The following SMAD3 variants were observed in gnomAD, a reference collection of about 807,000 sequenced individuals.
SMAD3 encodes SMAD family member 3.
A neutral mutation model predicts 51.8 loss-of-function variants in SMAD3; 12 were observed. That is an observed-to-expected ratio of 0.23 (90% CI 0.15 to 0.38). The LOEUF is 0.38. Ranked by LOEUF, SMAD3 falls within the 10% of genes least tolerant of loss-of-function variation. The pLI is 1.00. For synonymous variants in SMAD3, 238 were observed against 227.7 expected (o/e 1.05, Z -0.41); for missense variants, 294 against 565.6 (o/e 0.52, Z 4.87).
rs748749707 is a variant in SMAD3 at position 67,192,318 on chromosome 15, C to T, written c.*1782C>T. On this transcript the variant is annotated 3_prime_UTR_variant, in exon 9 of 9. Transcript: ENST00000327367. ...AGCCTCCTGAGGACACAGGAAGAGA[C>T]GGAAGGAGCACCTTGACAGACTTGT... 7.3e-5 allele frequency: 17 copies of T among 232,822 alleles called. No homozygotes were observed. Among genetic ancestry groups the T allele is most frequent in the Non-Finnish European group, 1.1e-4 (13 of 117,720 alleles). 14.4% of individuals were successfully genotyped at this position (232,822 alleles called of 1,614,324 possible). A position where few individuals can be genotyped will look rare whatever the true frequency, so the allele number is the denominator to read the frequency against.
intron 1 of SMAD3, among the ~76,000 whole-genome samples, chr15:67,125,314 G>A (rs1961358475): frequency 1.3e-5 from 2 of 152,346 alleles, no homozygotes; most frequent in South Asian, 2.1e-4. Flanking sequence ...GTGTGTGTAC[G>A]GAGAGCCTCT....
chr15:67,185,265 A>AAAGACACGGATGAGT (rs976698596), intron 7 of SMAD3, among the ~76,000 whole-genome samples: 1 of 152,218 alleles, frequency 6.6e-6, no homozygotes, highest in Non-Finnish European at 1.5e-5. Flanking sequence ...CACAGAAGAC[A>AAAGACACGGATGAGT]AAGACACGGA....
chr15:67,093,425 T>C (rs1286445875), intron 1 of SMAD3, among the ~76,000 whole-genome samples: 1 of 152,152 alleles, frequency 6.6e-6, no homozygotes, highest in Non-Finnish European at 1.5e-5. Context: ...ATAATCAGGA[T>C]TTGCCAGTGG....
intron 1 of SMAD3, among the ~76,000 whole-genome samples, chr15:67,148,386 A>G (rs1049021592): frequency 2.0e-5 from 3 of 152,208 alleles, no homozygotes; most frequent in Non-Finnish European, 4.4e-5. Flanking sequence ...TTTCTCCTCT[A>G]TTAAATCCAA....
chr15:67,077,180 A>G (rs1960188019), intron 1 of SMAD3, among the ~76,000 whole-genome samples: 1 of 151,376 alleles, frequency 6.6e-6, no homozygotes, highest in Non-Finnish European at 1.5e-5. Flanking sequence ...TATGGTGTGT[A>G]GGCCTTCCTC....
intron 1 of SMAD3, among the ~76,000 whole-genome samples, chr15:67,119,696 T>TG (rs1302240991): frequency 1.3e-5 from 2 of 152,248 alleles, no homozygotes; most frequent in Non-Finnish European, 2.9e-5. Context: ...AAGGTAGAAT[T>TG]GCCCAAGAGA....
At chr15:67,069,402 G>C (rs1210850392) in intron 1 of SMAD3, among the ~76,000 whole-genome samples, 3 of 152,096 alleles carry the variant, frequency 2.0e-5, no homozygotes, top group African/African-American at 7.2e-5. Flanking sequence ...TATCTTCCTT[G>C]CCAGTTTATA....
At chr15:67,181,478 C>T (rs775394029) in intron 6 of SMAD3, 25 bp downstream of exon 6, 6 of 1,498,082 alleles carry the variant, frequency 4.0e-6, no homozygotes, top group Non-Finnish European at 4.5e-6. Flanking sequence ...CATTCCCCGC[C>T]CCCCCACCCT....
chr15:67,123,809 T>C (rs1255769557), intron 1 of SMAD3, among the ~76,000 whole-genome samples: 1 of 152,168 alleles, frequency 6.6e-6, no homozygotes, highest in African/African-American at 2.4e-5. Flanking sequence ...AAGCAGTGGG[T>C]TCAACTGCTA....
intron 8 of SMAD3, 147 bp from the exon 9 acceptor site, chr15:67,190,266 C>A: frequency 1.4e-6 from 1 of 723,836 alleles, no homozygotes. Flanking sequence ...GTAGTTTCAG[C>A]AAGTTACTGG....
At chr15:67,082,162 G>A (rs1258668285) in intron 1 of SMAD3, among the ~76,000 whole-genome samples, 4 of 152,074 alleles carry the variant, frequency 2.6e-5, no homozygotes, top group African/African-American at 9.7e-5. Context: ...ATTGTGTTTG[G>A]AGTATCTCCT....
chr15:67,069,064 G>C (rs1031223489), intron 1 of SMAD3, among the ~76,000 whole-genome samples: 5 of 152,204 alleles, frequency 3.3e-5, no homozygotes, highest in African/African-American at 1.2e-4. Context: ...AGCCAAGTGT[G>C]TTTTGGCTAA....
chr15:67,152,355 T>C (rs895715538), intron 1 of SMAD3, among the ~76,000 whole-genome samples: 1 of 52,540 alleles, frequency 1.9e-5, no homozygotes, highest in Non-Finnish European at 4.2e-5. Context: ...CCAAAGTAGT[T>C]TGGAAACAGA....
At position 67,184,830 on chromosome 15, in the gene SMAD3, C is replaced by T. The variant is rs2140320106; in HGVS notation, c.975C>T (p.Gly325=). ...VQSPNCNQRY[G]WHPATVCKIP... ...CTCCCAACTGTAACCAGCGCTATGG[C>T]TGGCACCCGGCCACCGTCTGCAAGA... is the stretch of plus-strand genomic sequence containing the variant. The change falls in exon 7 of 9, where the codon GGC becomes GGT. Residue 325 remains glycine, a synonymous_variant. Transcript: ENST00000327367. 6.2e-7 allele frequency: 1 copy of T among 1,613,536 alleles called. No homozygotes were observed. Among genetic ancestry groups the T allele is most frequent in the Non-Finnish European group, 8.5e-7 (1 of 1,180,040 alleles).
In SMAD3 at chr15:67,193,879, G is replaced by C. The variant is rs1185952732; in HGVS notation, c.*3343G>C. 2 of 233,220 alleles carry C rather than the reference G, an allele frequency of 8.6e-6. No homozygotes were observed. The highest frequency in any genetic ancestry group is 1.7e-5 in the Non-Finnish European group (2 of 117,934). 14.4% of individuals were successfully genotyped at this position (233,220 alleles called of 1,614,324 possible). ...CAAGACTACAGAAAGGTTTGAAGTA[G>C]TGTGTGCATGGCATGCACGTATGTA... On this transcript the variant is annotated 3_prime_UTR_variant, in exon 9 of 9. Transcript: ENST00000327367.
intron 1 of SMAD3, among the ~76,000 whole-genome samples, chr15:67,097,752 T>C (rs925963039): frequency 6.6e-6 from 1 of 152,070 alleles, no homozygotes; most frequent in African/African-American, 2.4e-5. Flanking sequence ...TGGTGAAGAA[T>C]GAGGGGAGGA....
intron 6 of SMAD3, among the ~76,000 whole-genome samples, chr15:67,182,832 T>TTTGA (rs1210122844): frequency 1.3e-5 from 2 of 151,006 alleles, no homozygotes; most frequent in Non-Finnish European, 3.0e-5. Flanking sequence ...CATACCACTG[T>TTTGA]TTGATTGATT....
At chr15:67,130,044 C>G (rs979228148) in intron 1 of SMAD3, among the ~76,000 whole-genome samples, 3 of 152,216 alleles carry the variant, frequency 2.0e-5, no homozygotes, top group Non-Finnish European at 4.4e-5. Context: ...AGAGCTTGGT[C>G]TTCTTCCCAT....
intron 1 of SMAD3, among the ~76,000 whole-genome samples, chr15:67,102,753 G>T (rs1960788913): frequency 1.3e-5 from 2 of 152,138 alleles, no homozygotes; most frequent in Non-Finnish European, 2.9e-5. Flanking sequence ...GTTTCTGTAG[G>T]CATGATACGT....
Sources: allele counts gnomAD v4.1 joint callset (sites outside exome capture counted in the v4.1 genomes callset), GRCh38; gene constraint gnomAD v4.1.1; transcripts MANE v1.5; gene names NCBI Gene and HGNC (gene_info 2026-07-23, HGNC 2026-07-21).